Variants in ASIC2 observed in about 807,000 individuals in gnomAD.
ASIC2 encodes the protein acid-sensing ion channel 2.
A neutral mutation model predicts 57.3 loss-of-function variants in ASIC2; 25 were observed. The ratio of observed to expected loss-of-function variants is 0.44; its 90% CI spans 0.32 to 0.61. The LOEUF (loss-of-function observed/expected upper bound fraction) is 0.61, where lower values mean the gene tolerates loss of function less well. Among genes scored for constraint, ASIC2 ranks in the 20% least tolerant of loss-of-function variants. ASIC2 has a pLI of 0.06. For synonymous variants in ASIC2, 319 were observed against 307.5 expected (o/e 1.04, Z -0.39); for missense variants, 641 against 738.1 (o/e 0.87, Z 1.52).
intron 1 of ASIC2, among the ~76,000 whole-genome samples, chr17:33,716,010 A>G (rs1375239266): frequency 6.6e-6 from 1 of 152,120 alleles, no homozygotes; most frequent in Non-Finnish European, 1.5e-5. Flanking sequence ...CTCCTCCTCC[A>G]TTGCCACATA....
At chr17:34,067,819 G>A (rs146406942) in intron 1 of ASIC2, among the ~76,000 whole-genome samples, 101 of 152,234 alleles carry the variant, frequency 6.6e-4, no homozygotes, top group African/African-American at 2.3e-3. Context: ...GATTAATATG[G>A]TCAAATTTTT....
At chr17:33,288,163 G>T (rs1369567546) in intron 1 of ASIC2, among the ~76,000 whole-genome samples, 1 of 152,124 alleles carries the variant, frequency 6.6e-6, no homozygotes, top group Non-Finnish European at 1.5e-5. Flanking sequence ...ACATGTGCCT[G>T]TGTGAGGATT....
chr17:33,329,411 C>T (rs1394169192), intron 1 of ASIC2, among the ~76,000 whole-genome samples: 1 of 152,132 alleles, frequency 6.6e-6, no homozygotes, highest in African/African-American at 2.4e-5. Context: ...AGGATAGCAA[C>T]CTGCAGGGGA....
intron 1 of ASIC2, among the ~76,000 whole-genome samples, chr17:34,058,933 C>T: frequency 6.6e-6 from 1 of 152,174 alleles, no homozygotes; most frequent in African/African-American, 2.4e-5. Context: ...TATGAAGGAA[C>T]TTGTTCAAGT....
intron 1 of ASIC2, among the ~76,000 whole-genome samples, chr17:33,764,843 G>T (rs1158943888): frequency 6.6e-6 from 1 of 152,112 alleles, no homozygotes; most frequent in Non-Finnish European, 1.5e-5. Flanking sequence ...TGGAAACCAA[G>T]CCCCTTGTGC....
chr17:33,849,159 A>G (rs529942023), intron 1 of ASIC2, among the ~76,000 whole-genome samples: 38 of 152,322 alleles, frequency 2.5e-4, no homozygotes, highest in Admixed American at 4.6e-4. Flanking sequence ...ATGTGCAAAC[A>G]TATCTAGTGC....
At chr17:34,041,048 G>T (rs1392458407) in intron 1 of ASIC2, among the ~76,000 whole-genome samples, 1 of 152,210 alleles carries the variant, frequency 6.6e-6, no homozygotes, top group Non-Finnish European at 1.5e-5. Flanking sequence ...TAATGGGGAA[G>T]TGGGAAAGCA....
At chr17:33,401,197 A>G (rs967789805) in intron 1 of ASIC2, among the ~76,000 whole-genome samples, 4 of 152,228 alleles carry the variant, frequency 2.6e-5, no homozygotes, top group Non-Finnish European at 5.9e-5. Flanking sequence ...TCACACAGAC[A>G]TGCCTAACTC....
intron 1 of ASIC2, among the ~76,000 whole-genome samples, chr17:33,309,590 C>T (rs1201540552): frequency 2.6e-5 from 4 of 152,114 alleles, no homozygotes; most frequent in African/African-American, 4.8e-5. Flanking sequence ...TTCACCTCCA[C>T]CTCCACTGTC....
At chr17:33,595,402 A>G (rs939734511) in intron 1 of ASIC2, among the ~76,000 whole-genome samples, 4 of 152,252 alleles carry the variant, frequency 2.6e-5, no homozygotes, top group Non-Finnish European at 5.9e-5. Context: ...AAGAGGGCTA[A>G]GGCTGGGAGC....
chr17:33,462,341 C>A (rs1431885391), intron 1 of ASIC2, among the ~76,000 whole-genome samples: 2 of 152,202 alleles, frequency 1.3e-5, no homozygotes, highest in Non-Finnish European at 2.9e-5. Flanking sequence ...CTAGTCAAAA[C>A]AGGATATGAG....
chr17:34,109,193 T>C (rs1248922144), intron 1 of ASIC2, among the ~76,000 whole-genome samples: 1 of 152,188 alleles, frequency 6.6e-6, no homozygotes, highest in African/African-American at 2.4e-5. Context: ...TGGCAACTTC[T>C]GTAACTTATT....
chr17:33,796,111 C>T (rs1911912375), intron 1 of ASIC2, among the ~76,000 whole-genome samples: 1 of 152,208 alleles, frequency 6.6e-6, no homozygotes, highest in East Asian at 1.9e-4. Flanking sequence ...CTTCTTCTTG[C>T]CCTTGGTTTA....
intron 1 of ASIC2, among the ~76,000 whole-genome samples, chr17:33,676,541 C>A (rs1003402083): frequency 1.2e-4 from 18 of 152,244 alleles, no homozygotes; most frequent in Non-Finnish European, 1.5e-5. Context: ...ACATGCCCAA[C>A]ATTCTCTTAA....
intron 1 of ASIC2, among the ~76,000 whole-genome samples, chr17:33,674,383 G>A (rs1332489220): frequency 6.6e-6 from 1 of 152,096 alleles, no homozygotes; most frequent in Non-Finnish European, 1.5e-5. Context: ...CTTGGCCCTA[G>A]GACAATTTTT....
chr17:33,032,602 C>T (rs2091889183), intron 3 of ASIC2, among the ~76,000 whole-genome samples: 2 of 152,180 alleles, frequency 1.3e-5, no homozygotes, highest in Admixed American at 1.3e-4. Flanking sequence ...GGATGCACCA[C>T]CATGCCCAGC....
chr17:33,195,249 T>G (rs1457757538), intron 1 of ASIC2, among the ~76,000 whole-genome samples: 2 of 152,134 alleles, frequency 1.3e-5, no homozygotes, highest in African/African-American at 4.8e-5. Flanking sequence ...AAACTCAACA[T>G]GACAGCAGTG....
chr17:33,433,593 T>C (rs1911495494), intron 1 of ASIC2, among the ~76,000 whole-genome samples: 2 of 151,678 alleles, frequency 1.3e-5, no homozygotes, highest in Non-Finnish European at 2.9e-5. Flanking sequence ...CCGTCTAAAA[T>C]ACAAAAATTA....
chr17:33,099,765 A>G (rs2092203603), intron 2 of ASIC2, among the ~76,000 whole-genome samples: 1 of 152,194 alleles, frequency 6.6e-6, no homozygotes, highest in Admixed American at 6.5e-5. Flanking sequence ...AAGTTGGTGG[A>G]TGATTAAGAT....
Sources: gnomAD v4.1 joint callset for allele counts (sites outside exome capture counted in the v4.1 genomes callset) on GRCh38, gnomAD v4.1.1 for gene constraint, MANE v1.5 for transcripts, NCBI Gene and HGNC (gene_info 2026-07-23, HGNC 2026-07-21) for gene names.